Variants in MICAL2 observed in about 807,000 individuals in gnomAD.
MICAL2 encodes the protein microtubule associated monooxygenase, calponin and LIM domain containing 2, also known as [F-actin]-monooxygenase MICAL2.
In MICAL2, 77 loss-of-function variants were observed where a neutral mutation model predicts 127.3. The ratio of observed to expected loss-of-function variants is 0.60; its 90% confidence interval spans 0.50 to 0.73. The LOEUF (loss-of-function observed/expected upper bound fraction) is 0.73. Among genes scored for constraint, MICAL2 ranks in the 30% least tolerant of loss-of-function variants. The pLI is 0.00. For missense variants in MICAL2, 1,351 were observed against 1,434.4 expected, an observed-to-expected ratio of 0.94 and a Z score of 0.94; for synonymous variants, 570 against 551.1, an observed-to-expected ratio of 1.03 and a Z score of -0.48.
In MICAL2 at chr11:12,240,199, G is replaced by A. The variant is rs935442546; in HGVS notation, c.2214+614G>A. On this transcript the variant is annotated intron_variant, in intron 17 of 27. Coordinates refer to ENST00000683283, the MANE Select transcript of MICAL2 (RefSeq NM_001282663.2). ...GGCGGGGCTGTTTTGTCTGATGGGG[G>A]TTAGTGTGAGGCTGGAGGAGGCAGA... Among the ~76,000 whole-genome samples the A allele has an allele frequency of 1.3e-5, 2 of 152,192 alleles. 1 individual carries two copies. The highest frequency in any genetic ancestry group is 4.1e-4 in the South Asian group (2 of 4,824).
chr11:12,203,069 T>C (rs1176811056), intron 3 of MICAL2, among the ~76,000 whole-genome samples: 1 of 152,206 alleles, frequency 6.6e-6, no homozygotes, highest in Non-Finnish European at 1.5e-5. Flanking sequence ...AGCACAGTGT[T>C]TTTAAGGTTC....
rs1440820961 is a variant in MICAL2, at chr11:12,220,335, T to C, written c.1083T>C (p.Tyr361=). 4.3e-6 allele frequency: 7 copies of C among 1,614,112 alleles called. No homozygotes were observed. The East Asian group carries it at 8.9e-5, about 21-fold the overall frequency. The change falls in exon 9 of 28, where the codon TAT becomes TAC. Residue 361 remains tyrosine (Y), a synonymous_variant. Transcript: ENST00000683283. ...LPSLDFAMNH[Y]GQPDVAMFDF... ...CCTTAGACTTTGCCATGAACCACTATGGGCAGCCTGATGTGGCCATGTTTG... is the reference window on the plus strand; with the variant it reads ...CCTTAGACTTTGCCATGAACCACTACGGGCAGCCTGATGTGGCCATGTTTG...
intron 3 of MICAL2, among the ~76,000 whole-genome samples, chr11:12,193,214 C>T (rs1477556867): frequency 1.3e-5 from 2 of 152,214 alleles, no homozygotes; most frequent in Non-Finnish European, 2.9e-5. Flanking sequence ...AAGGGGAACA[C>T]TCTAAGGCTC....
At chr11:12,133,212 G>A (rs1217021637) in intron 1 of MICAL2, among the ~76,000 whole-genome samples, 1 of 152,176 alleles carries the variant, frequency 6.6e-6, no homozygotes, top group Non-Finnish European at 1.5e-5. Context: ...CTCCCAAGTA[G>A]CTGGGATTAC....
At chr11:12,211,234 A>G (rs1328690098) in intron 6 of MICAL2, among the ~76,000 whole-genome samples, 1 of 152,088 alleles carries the variant, frequency 6.6e-6, no homozygotes, top group African/African-American at 2.4e-5. Context: ...ACAAAAAATT[A>G]GCCGGGCATG....
At chr11:12,135,920 T>C (rs1851796829) in intron 1 of MICAL2, among the ~76,000 whole-genome samples, 1 of 152,232 alleles carries the variant, frequency 6.6e-6, no homozygotes, top group Admixed American at 6.5e-5. Context: ...AGATGGTTCT[T>C]GAACAAGTCT....
intron 32 of MICAL2, among the ~76,000 whole-genome samples, chr11:12,329,549 A>G (rs1436382028): frequency 6.6e-6 from 1 of 152,238 alleles, no homozygotes; most frequent in African/African-American, 2.4e-5. Context: ...CACTCCGCTT[A>G]GGCTGAATAG....
At chr11:12,206,705 C>A (rs1438133129) in intron 4 of MICAL2, among the ~76,000 whole-genome samples, 44 of 152,176 alleles carry the variant, frequency 2.9e-4, no homozygotes, top group Non-Finnish European at 8.8e-5. Context: ...AGCACGGTGA[C>A]CTCATTCCTA....
intron 2 of MICAL2, among the ~76,000 whole-genome samples, chr11:12,140,173 T>C (rs73412289): frequency 2.7e-4 from 41 of 152,364 alleles, no homozygotes; most frequent in African/African-American, 9.9e-4. Flanking sequence ...TATACTTCTC[T>C]AGGGCAGGGG....
chr11:12,334,110 T>C (rs1247969932), intron 32 of MICAL2, among the ~76,000 whole-genome samples: 2 of 152,134 alleles, frequency 1.3e-5, no homozygotes, highest in East Asian at 1.9e-4. Flanking sequence ...AGTCAATAGA[T>C]ACTATAAAGG....
chr11:12,272,148 G>A (rs1031965180), upstream of MICAL2, among the ~76,000 whole-genome samples: 6 of 152,160 alleles, frequency 3.9e-5, no homozygotes, highest in Non-Finnish European at 7.4e-5. Flanking sequence ...GGTTTGGTCT[G>A]GGCTCTGAGG....
chr11:12,171,323 A>G (rs1358166675), intron 3 of MICAL2, among the ~76,000 whole-genome samples: 1 of 152,192 alleles, frequency 6.6e-6, no homozygotes, highest in Non-Finnish European at 1.5e-5. Context: ...ATAAATGTGT[A>G]TCTCTGGGCA....
chr11:12,156,616 T>C (rs896230080), intron 2 of MICAL2, among the ~76,000 whole-genome samples: 2 of 152,114 alleles, frequency 1.3e-5, no homozygotes, highest in African/African-American at 4.8e-5. Context: ...TTTGGTTAAA[T>C]TGGGTGCCTA....
intron 1 of MICAL2, among the ~76,000 whole-genome samples, chr11:12,115,524 G>A (rs1169561184): frequency 6.6e-6 from 1 of 150,886 alleles, no homozygotes; most frequent in African/African-American, 2.4e-5. Context: ...TTGCTATGTT[G>A]CCCAGGCTGG....
downstream of MICAL2, chr11:12,292,156 G>T (rs768933448): frequency 5.0e-6 from 8 of 1,613,640 alleles, no homozygotes; most frequent in Non-Finnish European, 5.1e-6. Context: ...TGACGCCAGT[G>T]AACAAAAGAA....
chr11:12,241,278 G>A lies in MICAL2; in HGVS notation c.2337+116G>A, dbSNP rs569629682. On this transcript the variant is annotated intron_variant, in intron 18 of 27. Transcript: ENST00000683283. ...AGTAGGGCTGATTGTAGATTTTCTGGACACACCTTGATGTCACCACACTTA... is the reference window on the plus strand; with the variant it reads ...AGTAGGGCTGATTGTAGATTTTCTGAACACACCTTGATGTCACCACACTTA... 5.4e-5 allele frequency: 71 copies of A among 1,320,736 alleles called. No homozygotes were observed. In the South Asian group the frequency reaches 9.6e-4, roughly 18 times the overall value. 81.8% of individuals were successfully genotyped at this position (1,320,736 alleles called of 1,614,324 possible).
chr11:12,221,888 T>C, intron 10 of MICAL2, 129 bp downstream of exon 10: 1 of 638,344 alleles, frequency 1.6e-6, no homozygotes, highest in South Asian at 2.0e-5. Context: ...CCTTCCCATG[T>C]GTGGCCTGAT....
rs776372080 is a variant in MICAL2, at chr11:12,227,008, G to C, written c.1889-17G>C. On this transcript the variant is annotated splice_polypyrimidine_tract_variant and intron_variant, in intron 14 of 27. Coordinates refer to ENST00000683283, the MANE Select transcript of MICAL2 (RefSeq NM_001282663.2). ...GAGCCAGGTTCCAAATCACAGTTGC[G>C]CTTTATTTCCCAACAGATTCTTGGC... 6.3e-7 allele frequency: 1 copy of C among 1,599,852 alleles called. No homozygotes were observed. Among genetic ancestry groups the C allele is most frequent in the Non-Finnish European group, 8.6e-7 (1 of 1,167,256 alleles).
At chr11:12,137,653 C>T (rs767109898) in intron 1 of MICAL2, among the ~76,000 whole-genome samples, 24 of 152,026 alleles carry the variant, frequency 1.6e-4, no homozygotes, top group Non-Finnish European at 3.1e-4. Flanking sequence ...ACAAAGTGTG[C>T]GTATACCTCC....
Sources: allele counts gnomAD v4.1 joint callset (sites outside exome capture counted in the v4.1 genomes callset), GRCh38; gene constraint gnomAD v4.1.1; transcripts MANE v1.5; gene names NCBI Gene and HGNC (gene_info 2026-07-23, HGNC 2026-07-21).